Variants in TRIM22 observed in about 807,000 individuals in gnomAD.
The protein encoded by TRIM22 is tripartite motif containing 22.
TRIM22 carries 45 observed loss-of-function variants against 53.6 expected under a neutral mutation model. The observed-to-expected ratio is 0.84, with a 90% CI of 0.66 to 1.08. The LOEUF (loss-of-function observed/expected upper bound fraction) is 1.08. Among genes scored for constraint, TRIM22 ranks in the 50% least tolerant of loss-of-function variants. The probability of loss-of-function intolerance (pLI) is 0.00; values close to 1 mark genes in which losing one functional copy is unlikely to be tolerated. For synonymous variants in TRIM22, 225 were observed against 216.6 expected (o/e 1.04, Z -0.34); for missense variants, 616 against 590.9 (o/e 1.04, Z -0.44).
chr11:5,695,245 T>C (rs1853238277), intron 1 of TRIM22, among the ~76,000 whole-genome samples: 1 of 152,204 alleles, frequency 6.6e-6, no homozygotes, highest in Non-Finnish European at 1.5e-5. Flanking sequence ...AGTATGTCCT[T>C]CTAAGAAGAG....
Position 5,709,447 on chromosome 11 carries a change from G to C in TRIM22, c.1296G>C (p.Leu432Phe), listed in dbSNP as rs2134185509. Residue 432 changes from leucine to phenylalanine, a missense_variant, in exon 8 of 8, where the codon TTG becomes TTC. Transcript: ENST00000379965. ...CCTCCTCTTCTGATCCCAAGGTTTT[G>C]ACTCTCTTTATGGCTGTGCCTCCCT... ...EDSSSSDPKVLTLFMAVPPCR... is the reference protein window; with the variant it reads ...EDSSSSDPKVFTLFMAVPPCR... 1.2e-6 allele frequency: 2 copies of C among 1,614,138 alleles called. No homozygotes were observed. Among genetic ancestry groups the C allele is most frequent in the Non-Finnish European group, 1.7e-6 (2 of 1,180,030 alleles).
chr11:5,710,822 T>C lies in TRIM22; in HGVS notation c.*1174T>C, dbSNP rs1420922783. 1 of 152,206 alleles carries C rather than the reference T, an allele frequency of 6.6e-6. No individual in the cohort carries two copies. The highest frequency in any genetic ancestry group is 2.4e-5 in the African/African-American group (1 of 41,472). 9.4% of individuals were successfully genotyped at this position (152,206 alleles called of 1,614,324 possible). On this transcript the variant is annotated 3_prime_UTR_variant, in exon 8 of 8. Coordinates refer to ENST00000379965, the MANE Select transcript of TRIM22 (RefSeq NM_006074.5). Reference sequence around the variant, plus strand: ...CTTGGGAAACAATTTTTTGTTTTTGTTCTGTTTTCTTTTTGCTTCAATAAA... The same window carrying C: ...CTTGGGAAACAATTTTTTGTTTTTGCTCTGTTTTCTTTTTGCTTCAATAAA...
At chr11:5,691,901 G>A (rs1372591058) in intron 1 of TRIM22, among the ~76,000 whole-genome samples, 2 of 151,952 alleles carry the variant, frequency 1.3e-5, no homozygotes, top group East Asian at 3.9e-4. Context: ...TCCATATCTA[G>A]TATTTATTCA....
chr11:5,702,119 ATTAG>A (rs1853382464), intron 4 of TRIM22, among the ~76,000 whole-genome samples: 1 of 146,404 alleles, frequency 6.8e-6, no homozygotes, highest in South Asian at 2.1e-4. Flanking sequence ...ACTAATATAT[ATTAG>A]TTATATATTA....
At position 5,709,397 on chromosome 11, in the gene TRIM22, T is replaced by C; in HGVS notation, c.1246T>C (p.Cys416Arg). 3 of 1,614,194 alleles carry C rather than the reference T, an allele frequency of 1.9e-6. No individual in the cohort carries two copies. The highest frequency in any genetic ancestry group is 2.5e-6 in the Non-Finnish European group (3 of 1,180,030). The change falls in exon 8 of 8, where the codon TGT (cysteine) becomes CGT (arginine). Residue 416 changes from cysteine (C) to arginine (R), a missense_variant. Physicochemically the swap from Cys to Arg is radical, Grantham distance 180. Transcript: ENST00000379965. ...GYWVIGLQNT[C>R]EYNAFEDSSS... is the part of the protein sequence containing the mutation. ...CTGGGTTATAGGATTACAGAATACA[T>C]GTGAATATAATGCTTTTGAGGACTC...
chr11:5,692,793 CAAA>C (rs749260436), intron 1 of TRIM22, among the ~76,000 whole-genome samples: 1 of 95,780 alleles, frequency 1.0e-5, no homozygotes, highest in African/African-American at 4.0e-5. Context: ...GACCTTGTCT[CAAA>C]AAAAAAAAAA....
At chr11:5,707,465 A>C (rs1355457304) in intron 5 of TRIM22, among the ~76,000 whole-genome samples, 1 of 152,166 alleles carries the variant, frequency 6.6e-6, no homozygotes, top group Non-Finnish European at 1.5e-5. Flanking sequence ...TGAGATGGCA[A>C]TGACTTTTCT....
chr11:5,697,506 G>C, intron 3 of TRIM22, 163 bp downstream of exon 3: 1 of 547,178 alleles, frequency 1.8e-6, no homozygotes, highest in Non-Finnish European at 3.2e-6. Flanking sequence ...GAGTTTAGGG[G>C]CTGGAGAGTA....
intron 4 of TRIM22, among the ~76,000 whole-genome samples, chr11:5,704,214 T>G (rs1216992634): frequency 1.3e-5 from 2 of 152,122 alleles, no homozygotes; most frequent in East Asian, 3.9e-4. Context: ...GCTAGATGTC[T>G]TATTTCTTTT....
chr11:5,698,277 A>G (rs1479783472), intron 3 of TRIM22, 38 bp from the exon 4 acceptor site: 3 of 1,579,134 alleles, frequency 1.9e-6, no homozygotes, highest in African/African-American at 2.7e-5. Flanking sequence ...GCCTTCAACC[A>G]GCCAGACTGA....
chr11:5,701,787 A>G (rs1452488397), intron 4 of TRIM22, among the ~76,000 whole-genome samples: 2 of 152,198 alleles, frequency 1.3e-5, no homozygotes, highest in East Asian at 1.9e-4. Flanking sequence ...AACATTACCA[A>G]TATCCTGATT....
rs12417849 is a variant in TRIM22, at chr11:5,710,797, C to G, written c.*1149C>G. 1 of 151,964 alleles carries G rather than the reference C, an allele frequency of 6.6e-6. No individual in the cohort carries two copies. 9.4% of individuals were successfully genotyped at this position (151,964 alleles called of 1,614,324 possible). Reference sequence around the variant, plus strand: ...GAAAAGATGTCAGCCATTTCAATGTCTTGGGAAACAATTTTTTGTTTTTGT... The same window carrying G: ...GAAAAGATGTCAGCCATTTCAATGTGTTGGGAAACAATTTTTTGTTTTTGT... On this transcript the variant is annotated 3_prime_UTR_variant, in exon 8 of 8. Coordinates refer to ENST00000379965, the MANE Select transcript of TRIM22 (RefSeq NM_006074.5).
In TRIM22 at chr11:5,709,460, G is replaced by A; in HGVS notation, c.1309G>A (p.Ala437Thr). The A allele has an allele frequency of 6.2e-7, 1 of 1,614,114 alleles. No homozygotes were observed. Among genetic ancestry groups the A allele is most frequent in the Non-Finnish European group, 8.5e-7 (1 of 1,180,020 alleles). Residue 437 changes from alanine to threonine, a missense_variant, in exon 8 of 8, where the codon GCT (alanine) becomes ACT (threonine). Transcript: ENST00000379965. ...TCCCAAGGTTTTGACTCTCTTTATG[G>A]CTGTGCCTCCCTGTCGTATTGGGGT... ...SDPKVLTLFM[A>T]VPPCRIGVFL...
Position 5,709,525 on chromosome 11 carries a change from T to C in TRIM22, c.1374T>C (p.Asn458=). ...DYEAGIVSFF[N]VTNHGALIYK... is the part of the protein sequence containing the mutation. ...AGGCAGGCATTGTCTCATTTTTCAA[T>C]GTCACAAACCACGGAGCACTCATCT... is the stretch of plus-strand genomic sequence containing the variant. The change falls in exon 8 of 8, where the codon AAT becomes AAC. Residue 458 remains asparagine, a synonymous_variant. Transcript: ENST00000379965. 15 of 1,614,196 alleles carry C rather than the reference T, an allele frequency of 9.3e-6. No homozygotes were observed. Among genetic ancestry groups the C allele is most frequent in the Non-Finnish European group, 1.3e-5 (15 of 1,180,030 alleles).
At chr11:5,706,936 G>T (rs924491283) in intron 5 of TRIM22, among the ~76,000 whole-genome samples, 5 of 152,078 alleles carry the variant, frequency 3.3e-5, no homozygotes, top group Admixed American at 2.6e-4. Flanking sequence ...TTGCAGTGAG[G>T]CTCTGCCCTT....
chr11:5,694,578 C>T (rs1853227024), intron 1 of TRIM22, among the ~76,000 whole-genome samples: 1 of 152,078 alleles, frequency 6.6e-6, no homozygotes, highest in Non-Finnish European at 1.5e-5. Flanking sequence ...TGAAGGAGGA[C>T]CTTGGGGACA....
intron 3 of TRIM22, chr11:5,697,683 T>C (rs1463447518): frequency 4.2e-6 from 1 of 239,140 alleles, no homozygotes; most frequent in Non-Finnish European, 7.9e-6. Context: ...TTTAGGGGGT[T>C]TCAGTAGGGG....
chr11:5,710,284 A>C lies in TRIM22; in HGVS notation c.*636A>C, dbSNP rs1413903651. On this transcript the variant is annotated 3_prime_UTR_variant, in exon 8 of 8. Transcript: ENST00000379965. Reference sequence around the variant, plus strand: ...ACATTATTATTTTTTTTATATTTGCAAAGGAAACATATCTAATCCTTCCTA... The same window carrying C: ...ACATTATTATTTTTTTTATATTTGCCAAGGAAACATATCTAATCCTTCCTA... 1 of 152,162 alleles carries C rather than the reference A, an allele frequency of 6.6e-6. No individual in the cohort carries two copies. The highest frequency in any genetic ancestry group is 6.5e-5 in the Admixed American group (1 of 15,276). 9.4% of individuals were successfully genotyped at this position (152,162 alleles called of 1,614,324 possible).
At chr11:5,690,948 T>C (rs778963183) in intron 1 of TRIM22, 1 of 152,294 alleles carries the variant, frequency 6.6e-6, no homozygotes, top group African/African-American at 2.4e-5. Context: ...ACTTGCCTTC[T>C]GGTAACTTTT....
Sources: gnomAD v4.1 joint callset for allele counts (sites outside exome capture counted in the v4.1 genomes callset) on GRCh38, gnomAD v4.1.1 for gene constraint, MANE v1.5 for transcripts, NCBI Gene and HGNC (gene_info 2026-07-23, HGNC 2026-07-21) for gene names.